TBC1D32: variants seen among roughly 807,000 people sequenced by gnomAD.
TBC1D32 encodes protein broad-minded.
Under a neutral mutation model 170.3 loss-of-function variants are expected in TBC1D32, and 151 were observed. The observed-to-expected ratio is 0.89, with a 90% CI of 0.78 to 1.01. The LOEUF is 1.01. Ranked by LOEUF, TBC1D32 falls within the 50% of genes least tolerant of loss-of-function variation. The pLI is 0.00. For missense variants in TBC1D32, 1,464 were observed against 1,457.1 expected, an observed-to-expected ratio of 1.00 and a Z score of -0.08; for synonymous variants, 498 against 488.0, an observed-to-expected ratio of 1.02 and a Z score of -0.27.
intron 12 of TBC1D32, among the ~76,000 whole-genome samples, chr6:121,285,241 T>C (rs1803614639): frequency 6.6e-6 from 1 of 152,166 alleles, no homozygotes; most frequent in Non-Finnish European, 1.5e-5. Flanking sequence ...TTCACAGCTA[T>C]GATTTATTAT....
At chr6:121,334,163 C>A in intron 1 of TBC1D32, 113 bp downstream of exon 1, 1 of 816,696 alleles carries the variant, frequency 1.2e-6, no homozygotes, top group Non-Finnish European at 1.9e-6. Context: ...AAAAGTAAAC[C>A]TCCAAGTTGG....
At chr6:121,248,600 A>C (rs1797919604) in intron 17 of TBC1D32, among the ~76,000 whole-genome samples, 1 of 152,062 alleles carries the variant, frequency 6.6e-6, no homozygotes, top group Non-Finnish European at 1.5e-5. Flanking sequence ...AAATAAGCTC[A>C]ATTAGAAATA....
chr6:121,101,310 C>A (rs181320863), intron 30 of TBC1D32, among the ~76,000 whole-genome samples: 1 of 152,134 alleles, frequency 6.6e-6, no homozygotes, highest in Non-Finnish European at 1.5e-5. Context: ...ACCAATATCC[C>A]TGATGAACAT....
chr6:121,321,846 GA>G (rs201605173), intron 1 of TBC1D32, 52 bp from the exon 2 acceptor site: 36 of 1,415,900 alleles, frequency 2.5e-5, no homozygotes, highest in South Asian at 1.3e-4. Context: ...AGCATATTCA[GA>G]AAAAAAAATC....
At chr6:121,135,608 G>A (rs531892194) in intron 24 of TBC1D32, among the ~76,000 whole-genome samples, 2 of 152,280 alleles carry the variant, frequency 1.3e-5, no homozygotes, top group African/African-American at 4.8e-5. Context: ...GAATACTGGA[G>A]AGAAAGAGCT....
intron 24 of TBC1D32, among the ~76,000 whole-genome samples, chr6:121,154,661 A>T (rs1047027961): frequency 4.6e-5 from 7 of 152,216 alleles, no homozygotes; most frequent in Non-Finnish European, 1.0e-4. Context: ...CTAAGTTCCC[A>T]AAAGCCATTG....
chr6:121,270,880 G>A (rs749402009), intron 15 of TBC1D32, among the ~76,000 whole-genome samples: 11 of 152,108 alleles, frequency 7.2e-5, no homozygotes, highest in South Asian at 2.1e-4. Flanking sequence ...CTGGCAAACC[G>A]AATCCAGCAG....
rs1450287984 is a variant in TBC1D32, at chr6:121,303,702, CT to C, written c.994del (p.Ser332AlafsTer17). ...LSLLTVKHNQ[S>X]HVVSQKILDP... ...CAAAATCTTTTGTGAGACAACATGG[CT>C]TTGATTATGTTTAACTGTTAACAAG... On this transcript the variant is annotated frameshift_variant, in exon 9 of 32. Transcript: ENST00000398212. LOFTEE classifies it high-confidence loss of function. 1.3e-6 allele frequency: 2 copies of C among 1,595,510 alleles called. No individual in the cohort carries two copies. The highest frequency in any genetic ancestry group is 2.3e-5 in the South Asian group (2 of 88,196).
chr6:121,243,086 A>G (rs1379744425), intron 17 of TBC1D32, among the ~76,000 whole-genome samples: 1 of 152,044 alleles, frequency 6.6e-6, no homozygotes, highest in Non-Finnish European at 1.5e-5. Flanking sequence ...CCAGCAGAGA[A>G]GGAAAAAATA....
At position 121,080,862 on chromosome 6, in the gene TBC1D32, C is replaced by G; in HGVS notation, c.3683G>C (p.Ser1228Thr). 1 of 1,613,850 alleles carries G rather than the reference C, an allele frequency of 6.2e-7. No individual in the cohort carries two copies. The highest frequency in any genetic ancestry group is 8.5e-7 in the Non-Finnish European group (1 of 1,179,858). Reference protein sequence around the residue: ...KEEALHGFRVSDYFEYMEILE... With the variant: ...KEEALHGFRVTDYFEYMEILE... ...AATTTCCATGTATTCAAAATAATCA[C>G]TCACTCGAAACCCATGCAGTGCTTC... The change falls in exon 32 of 32, where the codon AGT becomes ACT. Residue 1228 changes from serine (S) to threonine (T), a missense_variant. By Grantham distance (58) the Ser-to-Thr change is moderately conservative. This residue lies in a region of TBC1D32 where 97 missense variants were observed against 102.0 expected (regional missense o/e 0.95). Coordinates refer to ENST00000398212, the MANE Select transcript of TBC1D32 (RefSeq NM_152730.6).
At chr6:121,195,111 C>A (rs1469149741) in intron 22 of TBC1D32, among the ~76,000 whole-genome samples, 1 of 152,182 alleles carries the variant, frequency 6.6e-6, no homozygotes, top group South Asian at 2.1e-4. Context: ...ACATTCCTCA[C>A]TTGGGTGTGT....
upstream of TBC1D32, chr6:121,334,522 G>T: frequency 7.0e-7 from 1 of 1,431,126 alleles, no homozygotes; most frequent in Non-Finnish European, 9.4e-7. Context: ...CCCAGCCCCG[G>T]CTACGTGCGG....
At chr6:121,111,093 T>G (rs1046133643) in intron 29 of TBC1D32, among the ~76,000 whole-genome samples, 1 of 152,184 alleles carries the variant, frequency 6.6e-6, no homozygotes, top group African/African-American at 2.4e-5. Context: ...CATTCATATA[T>G]TCCATATTCA....
chr6:121,233,633 T>C (rs1236407078), intron 20 of TBC1D32, among the ~76,000 whole-genome samples: 2 of 152,068 alleles, frequency 1.3e-5, no homozygotes, highest in Admixed American at 1.3e-4. Context: ...AAGATAGCAG[T>C]ACCTTGGTTA....
At chr6:121,314,342 A>G (rs1808638195) in intron 3 of TBC1D32, among the ~76,000 whole-genome samples, 1 of 152,216 alleles carries the variant, frequency 6.6e-6, no homozygotes, top group South Asian at 2.1e-4. Context: ...AAGGTCCTGA[A>G]CTTAATCACA....
chr6:121,256,884 C>G (rs1799092525), intron 15 of TBC1D32, among the ~76,000 whole-genome samples: 1 of 152,008 alleles, frequency 6.6e-6, no homozygotes, highest in Admixed American at 6.6e-5. Flanking sequence ...ATTGGCCAGA[C>G]TGGTCTCGAA....
Position 121,080,215 on chromosome 6 carries a change from CTTTTTT to C in TBC1D32, c.*550_*555del. 8.6e-6 allele frequency: 1 copy of C among 115,674 alleles called. No homozygotes were observed. Among genetic ancestry groups the C allele is most frequent in the Non-Finnish European group, 1.7e-5 (1 of 57,382 alleles). The allele number at this position is 115,674 out of a possible 1,614,324, so 7.2% of individuals were successfully genotyped here. ...TGAATAAAGGAGATGTAAGTTGGGA[CTTTTTT>C]TTTTTTTTTTTTTTTGAGACAGAGT... On this transcript the variant is annotated 3_prime_UTR_variant, in exon 32 of 32. Transcript: ENST00000398212.
intron 10 of TBC1D32, among the ~76,000 whole-genome samples, chr6:121,298,710 T>C (rs1407941848): frequency 6.6e-6 from 1 of 151,998 alleles, no homozygotes; most frequent in Non-Finnish European, 1.5e-5. Flanking sequence ...ACACAACAAT[T>C]ATTGTTCTCC....
At chr6:121,109,280 T>C (rs116684692) in intron 29 of TBC1D32, among the ~76,000 whole-genome samples, 67 of 152,346 alleles carry the variant, frequency 4.4e-4, no homozygotes, top group African/African-American at 1.5e-3. Flanking sequence ...AGGGAAGGCT[T>C]CTGTAGTGAT....
Sources: allele counts gnomAD v4.1 joint callset (sites outside exome capture counted in the v4.1 genomes callset), GRCh38; gene constraint gnomAD v4.1.1; regional missense constraint gnomAD v4.1.1; transcripts MANE v1.5; gene names NCBI Gene and HGNC (gene_info 2026-07-23, HGNC 2026-07-21).